The following TRHR variants were observed in gnomAD, a reference collection of about 807,000 sequenced individuals.
The protein encoded by TRHR is thyrotropin-releasing hormone receptor.
In TRHR, 14 loss-of-function variants were observed where a neutral mutation model predicts 28.0. The ratio of observed to expected loss-of-function variants is 0.50; its 90% CI spans 0.33 to 0.78. TRHR has a LOEUF of 0.78. Ranked by LOEUF, TRHR falls within the 30% of genes least tolerant of loss-of-function variation. The pLI is 0.02. For missense variants in TRHR, 438 were observed against 469.5 expected (o/e 0.93, Z 0.62); for synonymous variants, 176 against 171.9 (o/e 1.02, Z -0.18).
In TRHR at chr8:109,088,025, C is replaced by T. The variant is rs1464264064; in HGVS notation, c.513C>T (p.Tyr171=). 2 of 1,613,978 alleles carry T rather than the reference C, an allele frequency of 1.2e-6. No individual in the cohort carries two copies. The highest frequency in any genetic ancestry group is 2.7e-5 in the African/African-American group (2 of 74,898). Residue 171 remains tyrosine (Y), a synonymous_variant, in exon 2 of 3, where the codon TAC becomes TAT. Coordinates refer to ENST00000518632, the MANE Select transcript of TRHR (RefSeq NM_003301.7). ...TGCTGGATCTCAATATTAGCACCTA[C>T]AAAGATGCTATTGTGATATCCTGTG... ...FFLLDLNIST[Y]KDAIVISCGY...
chr8:109,121,286 C>T lies in TRHR; in HGVS notation c.*1831C>T, dbSNP rs950973779. On this transcript the variant is annotated 3_prime_UTR_variant, in exon 3 of 3. Transcript: ENST00000518632. ...TCATATAAATAGAGCACCAGAGTGA[C>T]CCAACCCCAAATCACACAAGCACAT... 2.0e-5 allele frequency among the ~76,000 whole-genome samples: 3 copies of T among 151,564 alleles called. No homozygotes were observed. Among genetic ancestry groups the T allele is most frequent in the Admixed American group, 6.6e-5 (1 of 15,156 alleles).
chr8:109,095,583 T>A (rs538160841), intron 2 of TRHR, among the ~76,000 whole-genome samples: 16 of 152,258 alleles, frequency 1.1e-4, no homozygotes, highest in Admixed American at 1.0e-3. Flanking sequence ...TCATTCTACA[T>A]ACTTTCTTCT....
intron 2 of TRHR, among the ~76,000 whole-genome samples, chr8:109,108,650 A>C (rs544308614): frequency 6.6e-6 from 1 of 152,342 alleles, no homozygotes; most frequent in Admixed American, 6.5e-5. Context: ...ACATACCTAG[A>C]AGAAAGAATA....
At chr8:109,113,489 C>T (rs755702083) in intron 2 of TRHR, among the ~76,000 whole-genome samples, 1 of 152,086 alleles carries the variant, frequency 6.6e-6, no homozygotes, top group South Asian at 2.1e-4. Flanking sequence ...CCCAGAGGAA[C>T]CTAAGGAGCT....
At chr8:109,108,189 A>G (rs538339815) in intron 2 of TRHR, among the ~76,000 whole-genome samples, 1 of 152,308 alleles carries the variant, frequency 6.6e-6, no homozygotes, top group African/African-American at 2.4e-5. Context: ...TTTAGAAGCA[A>G]GACAACTAAG....
intron 2 of TRHR, among the ~76,000 whole-genome samples, chr8:109,109,269 A>G (rs1811793745): frequency 6.6e-6 from 1 of 152,116 alleles, no homozygotes; most frequent in Admixed American, 6.6e-5. Flanking sequence ...CCTTCCCAAA[A>G]TTCAATGCAT....
intron 2 of TRHR, 38 bp from the exon 3 acceptor site, chr8:109,119,009 AT>A (rs757949078): frequency 4.3e-6 from 7 of 1,611,450 alleles, no homozygotes; most frequent in Non-Finnish European, 5.9e-6. Flanking sequence ...TTTTGTTTTC[AT>A]TTGTGTTTGT....
intron 2 of TRHR, among the ~76,000 whole-genome samples, chr8:109,110,121 G>C (rs1811808609): frequency 6.6e-6 from 1 of 152,034 alleles, no homozygotes; most frequent in Non-Finnish European, 1.5e-5. Flanking sequence ...CAAATGTCTT[G>C]CTCATAAAAG....
chr8:109,093,270 C>T (rs1286421972), intron 2 of TRHR, among the ~76,000 whole-genome samples: 1 of 152,016 alleles, frequency 6.6e-6, no homozygotes, highest in Admixed American at 6.6e-5. Context: ...ACCCTCCTGA[C>T]CCTCTCTTAA....
At chr8:109,115,367 G>T (rs1291098685) in intron 2 of TRHR, among the ~76,000 whole-genome samples, 2 of 152,146 alleles carry the variant, frequency 1.3e-5, no homozygotes, top group Admixed American at 1.3e-4. Flanking sequence ...GTAGCTTGAT[G>T]GGGATGGCAT....
At chr8:109,096,624 G>A (rs1811596879) in intron 2 of TRHR, among the ~76,000 whole-genome samples, 1 of 152,166 alleles carries the variant, frequency 6.6e-6, no homozygotes, top group Non-Finnish European at 1.5e-5. Flanking sequence ...CGCATTCAGT[G>A]CCATCACACT....
At chr8:109,097,340 A>G (rs1435549203) in intron 2 of TRHR, among the ~76,000 whole-genome samples, 2 of 152,122 alleles carry the variant, frequency 1.3e-5, no homozygotes, top group Non-Finnish European at 2.9e-5. Context: ...AAATATATAT[A>G]TATATCTCCA....
intron 2 of TRHR, among the ~76,000 whole-genome samples, chr8:109,105,084 C>G (rs924408224): frequency 2.0e-5 from 3 of 152,022 alleles, no homozygotes; most frequent in Admixed American, 6.6e-5. Flanking sequence ...TATTACTGAG[C>G]TGTTATATGT....
Position 109,087,911 on chromosome 8 carries a change from C to A in TRHR, c.399C>A (p.Ala133=), listed in dbSNP as rs1274985343. Reference sequence around the variant, plus strand: ...TAGCAATCTGTCACCCCATCAAAGCCCAGTTTCTCTGCACATTTTCCAGAG... The same window carrying A: ...TAGCAATCTGTCACCCCATCAAAGCACAGTTTCTCTGCACATTTTCCAGAG... ...RYIAICHPIK[A]QFLCTFSRAK... Residue 133 remains alanine, a synonymous_variant, in exon 2 of 3, where the codon GCC becomes GCA. Transcript: ENST00000518632. 6.2e-7 allele frequency: 1 copy of A among 1,614,146 alleles called. No individual in the cohort carries two copies. The highest frequency in any genetic ancestry group is 2.2e-5 in the East Asian group (1 of 44,882).
intron 2 of TRHR, among the ~76,000 whole-genome samples, chr8:109,100,003 A>G (rs2129897845): frequency 6.6e-6 from 1 of 152,282 alleles, no homozygotes; most frequent in South Asian, 2.1e-4. Flanking sequence ...GGACAGAGGC[A>G]GGGTGAATGC....
At chr8:109,097,145 A>G (rs747828787) in intron 2 of TRHR, among the ~76,000 whole-genome samples, 3 of 152,202 alleles carry the variant, frequency 2.0e-5, no homozygotes, top group Non-Finnish European at 2.9e-5. Flanking sequence ...TGGCTTTCCC[A>G]TGAACCTTTA....
chr8:109,089,043 G>T (rs2129865702), intron 2 of TRHR, among the ~76,000 whole-genome samples: 1 of 152,282 alleles, frequency 6.6e-6, no homozygotes, highest in East Asian at 1.9e-4. Context: ...ACCTGAATGT[G>T]CATATAATTA....
chr8:109,117,767 A>T (rs1811941618), intron 2 of TRHR, among the ~76,000 whole-genome samples: 1 of 151,934 alleles, frequency 6.6e-6, no homozygotes, highest in African/African-American at 2.4e-5. Flanking sequence ...ACTTAGGAAA[A>T]ATCATGTTTC....
At chr8:109,113,924 C>T (rs1011880463) in intron 2 of TRHR, among the ~76,000 whole-genome samples, 4 of 152,022 alleles carry the variant, frequency 2.6e-5, no homozygotes, top group Admixed American at 6.6e-5. Flanking sequence ...CAGGGTTGAA[C>T]TGCATATATA....
Sources: gnomAD v4.1 joint callset for allele counts (sites outside exome capture counted in the v4.1 genomes callset) on GRCh38, gnomAD v4.1.1 for gene constraint, MANE v1.5 for transcripts, NCBI Gene and HGNC (gene_info 2026-07-23, HGNC 2026-07-21) for gene names.